Variants in SHISAL1 observed in about 807,000 individuals in gnomAD.
SHISAL1 encodes protein shisa-like-1.
A neutral mutation model predicts 22.6 loss-of-function variants in SHISAL1; 9 were observed. The observed-to-expected ratio is 0.40, with a 90% confidence interval of 0.24 to 0.70. The LOEUF (loss-of-function observed/expected upper bound fraction) is 0.70, where lower values mean the gene tolerates loss of function less well. SHISAL1 is among the 30% of genes least tolerant of loss of function. The pLI is 0.39. For missense variants in SHISAL1, 246 were observed against 270.6 expected, an observed-to-expected ratio of 0.91 and a Z score of 0.64; for synonymous variants, 119 against 115.4, an observed-to-expected ratio of 1.03 and a Z score of -0.20.
At chr22:44,274,189 G>A (rs1479660674) in intron 4 of SHISAL1, among the ~76,000 whole-genome samples, 2 of 152,058 alleles carry the variant, frequency 1.3e-5, no homozygotes, top group African/African-American at 4.8e-5. Flanking sequence ...GAGGGAGGCT[G>A]CAGTGAGCCA....
intron 3 of SHISAL1, among the ~76,000 whole-genome samples, chr22:44,289,347 G>A (rs2055337078): frequency 6.6e-6 from 1 of 152,214 alleles, no homozygotes; most frequent in Non-Finnish European, 1.5e-5. Flanking sequence ...TGTCCAAAGA[G>A]GGGTCCCCTG....
the SHISAL1 span, among the ~76,000 whole-genome samples, chr22:44,325,421 CACCGGG>C: frequency 6.6e-6 from 1 of 152,194 alleles, no homozygotes; most frequent in Non-Finnish European, 1.5e-5. Context: ...GCATGGGCAT[CACCGGG>C]ACCCAGGTCT....
intron 4 of SHISAL1, among the ~76,000 whole-genome samples, chr22:44,266,556 G>GTGTGTT (rs2055165216): frequency 6.8e-6 from 1 of 147,678 alleles, no homozygotes; most frequent in Non-Finnish European, 1.5e-5. Flanking sequence ...GTGTGTGTGT[G>GTGTGTT]TGTTGGAGGG....
chr22:44,273,291 G>T (rs182702292), intron 4 of SHISAL1, among the ~76,000 whole-genome samples: 1 of 152,140 alleles, frequency 6.6e-6, no homozygotes, highest in African/African-American at 2.4e-5. Flanking sequence ...TCAATTTCCC[G>T]AGCGTAAATA....
intron 4 of SHISAL1, among the ~76,000 whole-genome samples, chr22:44,284,745 C>A (rs135389): frequency 6.6e-6 from 1 of 152,020 alleles, no homozygotes; most frequent in Admixed American, 6.5e-5. Context: ...GCTGCACTAC[C>A]CAGGGCCGCC....
At position 44,306,654 on chromosome 22, in the gene SHISAL1, G is replaced by T. The variant is rs138823443; in HGVS notation, c.-32-5677C>A. Among the ~76,000 whole-genome samples, 647 of 136,772 alleles carry T rather than the reference G, an allele frequency of 4.7e-3. 3 individuals carry two copies. The highest frequency in any genetic ancestry group is 8.1e-3 in the Non-Finnish European group (494 of 61,118). The allele number at this position is 136,772 out of a possible 152,430, so 89.7% of individuals were successfully genotyped here. A position where few individuals can be genotyped will look rare whatever the true frequency, so the allele number is the denominator to read the frequency against. On this transcript the variant is annotated intron_variant, in intron 1 of 4. Coordinates refer to ENST00000381176, the MANE Select transcript of SHISAL1 (RefSeq NM_001099294.2). ...ACGATGGCGTGTGTGGAGGGGACCTGGGCTCGGGGAGCTGTGATGACGATG... is the reference window on the plus strand; with the variant it reads ...ACGATGGCGTGTGTGGAGGGGACCTTGGCTCGGGGAGCTGTGATGACGATG...
chr22:44,326,302 C>T, the SHISAL1 span, among the ~76,000 whole-genome samples: 1 of 152,250 alleles, frequency 6.6e-6, no homozygotes, highest in African/African-American at 2.4e-5. Flanking sequence ...ATTTTGAGCC[C>T]ATCAGGCGAC....
chr22:44,287,518 G>T (rs535965674), intron 3 of SHISAL1, among the ~76,000 whole-genome samples: 1 of 152,096 alleles, frequency 6.6e-6, no homozygotes, highest in Non-Finnish European at 1.5e-5. Flanking sequence ...CACAGCTCCC[G>T]GTCACTGTGC....
intron 1 of SHISAL1, among the ~76,000 whole-genome samples, chr22:44,301,594 C>T (rs893682533): frequency 1.1e-4 from 16 of 152,188 alleles, no homozygotes; most frequent in Admixed American, 3.3e-4. Flanking sequence ...CGAACAGATA[C>T]GTACACACAC....
the SHISAL1 span, among the ~76,000 whole-genome samples, chr22:44,326,252 T>A: frequency 6.6e-6 from 1 of 152,184 alleles, no homozygotes; most frequent in Non-Finnish European, 1.5e-5. Context: ...AATTTGCCTT[T>A]ATTTTTAATT....
chr22:44,327,238 GCGCACACACACACACACA>G, the SHISAL1 span, among the ~76,000 whole-genome samples: 1 of 101,160 alleles, frequency 9.9e-6, no homozygotes, highest in Admixed American at 9.3e-5. Context: ...AGTGGGGGGC[GCGCACACACACACACACA>G]CACACACACA....
intron 4 of SHISAL1, among the ~76,000 whole-genome samples, chr22:44,276,080 C>T (rs55746438): frequency 0.08 from 12,138 of 152,260 alleles, 1,092 homozygotes; most frequent in African/African-American, 0.19. Flanking sequence ...AGCCACAAAG[C>T]AAACGTGATG....
chr22:44,298,310 A>G (rs1164089308), intron 2 of SHISAL1, among the ~76,000 whole-genome samples: 1 of 152,256 alleles, frequency 6.6e-6, no homozygotes, highest in Non-Finnish European at 1.5e-5. Context: ...TCAGAGCAGC[A>G]GTTCCCAAAG....
At chr22:44,331,217 G>T in the SHISAL1 span, among the ~76,000 whole-genome samples, 1 of 151,796 alleles carries the variant, frequency 6.6e-6, no homozygotes, top group African/African-American at 2.4e-5. This position sits in a 1 kb window ranked among gnomAD's most constrained non-coding sequence, Gnocchi z 5.2. Context: ...CGGCTGTCCC[G>T]CACGGTTCCT....
At chr22:44,267,483 C>A (rs1330635268) in intron 4 of SHISAL1, among the ~76,000 whole-genome samples, 1 of 152,140 alleles carries the variant, frequency 6.6e-6, no homozygotes, top group African/African-American at 2.4e-5. Flanking sequence ...CACCACCACC[C>A]TCAGCCAAGC....
intron 3 of SHISAL1, among the ~76,000 whole-genome samples, chr22:44,293,757 G>A (rs921527055): frequency 1.3e-5 from 2 of 152,196 alleles, no homozygotes; most frequent in African/African-American, 2.4e-5. Context: ...GGCATGATGA[G>A]GTTGAGGGCA....
upstream of SHISAL1, among the ~76,000 whole-genome samples, chr22:44,313,623 A>G (rs1188719377): frequency 6.6e-6 from 1 of 152,180 alleles, no homozygotes; most frequent in Non-Finnish European, 1.5e-5. Flanking sequence ...CTGTCTGGAC[A>G]CAGCCCAGGG....
At chr22:44,324,159 C>G in the SHISAL1 span, among the ~76,000 whole-genome samples, 1 of 152,200 alleles carries the variant, frequency 6.6e-6, no homozygotes, top group Admixed American at 6.5e-5. Context: ...CAAATCCTCA[C>G]AAGCCACTCA....
intron 3 of SHISAL1, among the ~76,000 whole-genome samples, chr22:44,287,340 G>A (rs25503): frequency 0.05 from 7,674 of 152,274 alleles, 656 homozygotes; most frequent in African/African-American, 0.17. Context: ...GGGGAAGCTC[G>A]CTTTCGCTCT....
Sources: gnomAD v4.1 joint callset for allele counts (sites outside exome capture counted in the v4.1 genomes callset) on GRCh38, gnomAD v4.1.1 for gene constraint, Gnocchi (gnomAD v3.1) non-coding constraint, MANE v1.5 for transcripts, NCBI Gene and HGNC (gene_info 2026-07-23, HGNC 2026-07-21) for gene names.